Variants in AGAP1 observed in about 807,000 individuals in gnomAD.
AGAP1 encodes the protein ArfGAP with GTPase domain, ankyrin repeat and PH domain 1.
A neutral mutation model predicts 105.3 loss-of-function variants in AGAP1; 29 were observed. That is an observed-to-expected ratio of 0.28 (90% CI 0.21 to 0.38). The LOEUF is 0.38. Ranked by LOEUF, AGAP1 falls within the 10% of genes least tolerant of loss-of-function variation. AGAP1 has a pLI of 1.00. For synonymous variants in AGAP1, 509 were observed against 485.9 expected, an observed-to-expected ratio of 1.05 and a Z score of -0.63; for missense variants, 998 against 1,165.1, an observed-to-expected ratio of 0.86 and a Z score of 2.09.
At chr2:235,806,514 T>G (rs1317957885) in intron 8 of AGAP1, among the ~76,000 whole-genome samples, 1 of 152,164 alleles carries the variant, frequency 6.6e-6, no homozygotes, top group African/African-American at 2.4e-5. Flanking sequence ...GTCACCACCC[T>G]TCCTGCCCGG....
intron 1 of AGAP1, among the ~76,000 whole-genome samples, chr2:235,677,906 C>CAAAAA (rs61111847): frequency 6.3e-5 from 4 of 62,994 alleles, no homozygotes; most frequent in Non-Finnish European, 9.7e-5. Context: ...AGCTCTTTAC[C>CAAAAA]AAAAAAAAAA....
intron 1 of AGAP1, among the ~76,000 whole-genome samples, chr2:235,671,833 T>C (rs1025431550): frequency 3.3e-5 from 5 of 152,200 alleles, no homozygotes; most frequent in African/African-American, 9.7e-5. Flanking sequence ...CAGCCAGATA[T>C]GTTATTCTCT....
chr2:235,646,866 T>G (rs891457522), intron 1 of AGAP1, among the ~76,000 whole-genome samples: 1 of 152,174 alleles, frequency 6.6e-6, no homozygotes, highest in Non-Finnish European at 1.5e-5. Flanking sequence ...CCGCGTGCGG[T>G]GGCTCACGCC....
intron 15 of AGAP1, among the ~76,000 whole-genome samples, chr2:236,047,997 G>A (rs2125705725): frequency 1.3e-5 from 2 of 152,246 alleles, no homozygotes; most frequent in South Asian, 4.2e-4. Flanking sequence ...CTGATCAACT[G>A]GCGTAAGGCT....
Position 235,609,021 on chromosome 2 carries a change from G to A in AGAP1, c.164-100158G>A, listed in dbSNP as rs531854746. Among the ~76,000 whole-genome samples, 48 of 152,112 alleles carry A rather than the reference G, an allele frequency of 3.2e-4. No homozygotes were observed. The highest frequency in any genetic ancestry group is 4.7e-4 in the Non-Finnish European group (32 of 68,046). ...AAGAGCAAATTTAAGAAGCTAAGGA[G>A]GGAGGAAGGAGGCAGTGGTAAGTTC... On this transcript the variant is annotated intron_variant, in intron 1 of 17. Coordinates refer to ENST00000304032, the MANE Select transcript of AGAP1 (RefSeq NM_001037131.3). The surrounding 1 kb of genome is among the most constrained non-coding windows in gnomAD (Gnocchi z 5.1).
intron 1 of AGAP1, among the ~76,000 whole-genome samples, chr2:235,643,431 C>CAAAAAAAAAAAAAAAAAAA (rs56146940): frequency 2.1e-4 from 13 of 61,418 alleles, no homozygotes; most frequent in African/African-American, 7.5e-4. Context: ...GACTGGGTCT[C>CAAAAAAAAAAAAAAAAAAA]AAAAAAAAAA....
intron 1 of AGAP1, among the ~76,000 whole-genome samples, chr2:235,649,253 G>A (rs966966390): frequency 5.3e-5 from 8 of 152,178 alleles, no homozygotes; most frequent in Non-Finnish European, 1.2e-4. Flanking sequence ...AGTGAGTCTA[G>A]AGGCCATGTT....
intron 2 of AGAP1, among the ~76,000 whole-genome samples, chr2:235,710,759 C>T (rs1575195985): frequency 6.6e-6 from 1 of 152,268 alleles, no homozygotes; most frequent in East Asian, 1.9e-4. Context: ...AGGAGATTCT[C>T]AGAACAATCC....
At position 236,035,548 on chromosome 2, in the gene AGAP1, T is replaced by A. The variant is rs1472750448; in HGVS notation, c.1646-1013T>A. Among the ~76,000 whole-genome samples, 1 of 152,138 alleles carries A rather than the reference T, an allele frequency of 6.6e-6. No individual in the cohort carries two copies. Among genetic ancestry groups the A allele is most frequent in the Admixed American group, 6.5e-5 (1 of 15,286 alleles). ...AGGCGAAGGCAGGCTCGCTTGAGCC[T>A]GGGAGGTGGAAGATATAATGAGCTG... is the stretch of plus-strand genomic sequence containing the variant. On this transcript the variant is annotated intron_variant, in intron 13 of 17. Coordinates refer to ENST00000304032, the MANE Select transcript of AGAP1 (RefSeq NM_001037131.3). This position sits in a 1 kb window ranked among gnomAD's most constrained non-coding sequence, Gnocchi z 4.2.
At position 235,919,135 on chromosome 2, in the gene AGAP1, C is replaced by A. The variant is rs2052043267; in HGVS notation, c.1324+10229C>A. Among the ~76,000 whole-genome samples the A allele has an allele frequency of 6.6e-6, 1 of 152,000 alleles. No homozygotes were observed. Among genetic ancestry groups the A allele is most frequent in the South Asian group, 2.1e-4 (1 of 4,820 alleles). On this transcript the variant is annotated intron_variant, in intron 11 of 17. Transcript: ENST00000304032. This position sits in a 1 kb window ranked among gnomAD's most constrained non-coding sequence, Gnocchi z 4.1. The stretch of plus-strand genomic sequence containing the variant: ...GTCAGCTGTGGGAAAGAGGAGGTGC[C>A]CGGAAGAGCCTCTGTGAATTACCCG...
intron 10 of AGAP1, among the ~76,000 whole-genome samples, chr2:235,886,074 T>C (rs1187052587): frequency 2.0e-5 from 3 of 152,092 alleles, no homozygotes; most frequent in African/African-American, 7.2e-5. Context: ...ACACCCAGCT[T>C]CCATCCATCA....
chr2:235,996,035 G>T (rs1022242528), intron 13 of AGAP1, among the ~76,000 whole-genome samples: 1 of 152,182 alleles, frequency 6.6e-6, no homozygotes, highest in Non-Finnish European at 1.5e-5. Flanking sequence ...AAGCCGCCAC[G>T]TGGGCTCGGA....
In AGAP1 at chr2:235,609,676, C is replaced by A. The variant is rs1194997077; in HGVS notation, c.164-99503C>A. Among the ~76,000 whole-genome samples, 1 of 152,040 alleles carries A rather than the reference C, an allele frequency of 6.6e-6. No individual in the cohort carries two copies. Among genetic ancestry groups the A allele is most frequent in the Non-Finnish European group, 1.5e-5 (1 of 68,018 alleles). ...GCTGAGGGAGCATCCTTATGGTAAA[C>A]GTCCCTGGTTCTGTACCGGAGGAAC... On this transcript the variant is annotated intron_variant, in intron 1 of 17. Coordinates refer to ENST00000304032, the MANE Select transcript of AGAP1 (RefSeq NM_001037131.3). The surrounding 1 kb of genome is among the most constrained non-coding windows in gnomAD (Gnocchi z 5.1).
rs1949690831 is a variant in AGAP1, at chr2:235,690,592, C to T, written c.164-18587C>T. On this transcript the variant is annotated intron_variant, in intron 1 of 17. Coordinates refer to ENST00000304032, the MANE Select transcript of AGAP1 (RefSeq NM_001037131.3). This position sits in a 1 kb window ranked among gnomAD's most constrained non-coding sequence, Gnocchi z 4.1. ...AGAGTCCGAGGTAGAATGGATATTG[C>T]TAAAGCTGAGAGCTACAGCAGAGCG... 6.6e-6 allele frequency among the ~76,000 whole-genome samples: 1 copy of T among 152,186 alleles called. No individual in the cohort carries two copies. Among genetic ancestry groups the T allele is most frequent in the African/African-American group, 2.4e-5 (1 of 41,450 alleles).
intron 6 of AGAP1, among the ~76,000 whole-genome samples, chr2:235,781,407 T>C (rs1389952329): frequency 6.6e-6 from 1 of 152,228 alleles, no homozygotes; most frequent in Non-Finnish European, 1.5e-5. Context: ...ACAATCTTAT[T>C]GTAACTGTTA....
rs1050011282 is a variant in AGAP1, at chr2:235,973,454, G to A, written c.1645+4831G>A. 1.8e-4 allele frequency among the ~76,000 whole-genome samples: 27 copies of A among 152,176 alleles called. No homozygotes were observed. The highest frequency in any genetic ancestry group is 6.5e-4 in the African/African-American group (27 of 41,446). On this transcript the variant is annotated intron_variant, in intron 13 of 17. Transcript: ENST00000304032. This position sits in a 1 kb window ranked among gnomAD's most constrained non-coding sequence, Gnocchi z 4.7. The stretch of plus-strand genomic sequence containing the variant: ...GCTCTTATGTCACAGATGGGCTGCT[G>A]TGCTGCGTGGTCATTGAGACCAATG...
At position 236,080,957 on chromosome 2, in the gene AGAP1, C is replaced by T. The variant is rs1201305690; in HGVS notation, c.2114+31676C>T. Among the ~76,000 whole-genome samples, 2 of 152,190 alleles carry T rather than the reference C, an allele frequency of 1.3e-5. No individual in the cohort carries two copies. Among genetic ancestry groups the T allele is most frequent in the African/African-American group, 4.8e-5 (2 of 41,440 alleles). On this transcript the variant is annotated intron_variant, in intron 16 of 17. Transcript: ENST00000304032. This position sits in a 1 kb window ranked among gnomAD's most constrained non-coding sequence, Gnocchi z 4.2. ...AAGGGCCTTGTCTTAACCGTATCTG[C>T]AGTTAGGTTGCCATGTAAGGTCACA... is the stretch of plus-strand genomic sequence containing the variant.
At chr2:235,531,608 CTTTTT>C (rs529337320) in intron 1 of AGAP1, among the ~76,000 whole-genome samples, 1 of 135,316 alleles carries the variant, frequency 7.4e-6, no homozygotes, top group Admixed American at 7.5e-5. Context: ...GTAGCTTTGC[CTTTTT>C]TTTTTTTTTT....
chr2:235,579,078 A>G (rs1357350915), intron 1 of AGAP1, among the ~76,000 whole-genome samples: 1 of 152,222 alleles, frequency 6.6e-6, no homozygotes, highest in East Asian at 1.9e-4. Context: ...CCAAATTATC[A>G]CCATGAAGCA....
Sources: allele counts gnomAD v4.1 joint callset (sites outside exome capture counted in the v4.1 genomes callset), GRCh38; gene constraint gnomAD v4.1.1; non-coding constraint Gnocchi (gnomAD v3.1); transcripts MANE v1.5; gene names NCBI Gene and HGNC (gene_info 2026-07-23, HGNC 2026-07-21).